The following TXNDC12 variants were observed in gnomAD, a reference collection of about 807,000 sequenced individuals.
The protein encoded by TXNDC12 is thioredoxin domain-containing protein 12.
Under a neutral mutation model 24.2 loss-of-function variants are expected in TXNDC12, and 22 were observed. That is an observed-to-expected ratio of 0.91 (90% CI 0.65 to 1.30). TXNDC12 has a LOEUF of 1.30. Among genes scored for constraint, TXNDC12 ranks in the 50% most tolerant of loss-of-function variants. The pLI, the probability that TXNDC12 is intolerant of heterozygous loss-of-function variation, is 0.00. For missense variants in TXNDC12, 184 were observed against 205.8 expected (o/e 0.89, Z 0.65); for synonymous variants, 58 against 73.4 (o/e 0.79, Z 1.07).
At chr1:52,039,304 G>A (rs1260390938) in intron 2 of TXNDC12, among the ~76,000 whole-genome samples, 1 of 151,742 alleles carries the variant, frequency 6.6e-6, no homozygotes, top group African/African-American at 2.4e-5. Flanking sequence ...TAAATACCAG[G>A]AAAAATATGC....
intron 2 of TXNDC12, among the ~76,000 whole-genome samples, chr1:52,037,549 A>G (rs1685907611): frequency 6.6e-6 from 1 of 152,044 alleles, no homozygotes; most frequent in African/African-American, 2.4e-5. Flanking sequence ...TGCTGAACTC[A>G]TGGGGCTCTG....
intron 1 of TXNDC12, among the ~76,000 whole-genome samples, chr1:52,044,950 G>C (rs1686061954): frequency 6.6e-6 from 1 of 151,754 alleles, no homozygotes; most frequent in South Asian, 2.1e-4. Context: ...ACTCCAGCCT[G>C]GGTGACAGAG....
rs1401252183 is a variant in TXNDC12 at position 52,023,541 on chromosome 1, T to C, written c.389A>G (p.Asn130Ser). Residue 130 changes from asparagine (N) to serine (S), a missense_variant, in exon 6 of 7, where the codon AAT (asparagine) becomes AGT (serine). By Grantham distance (46) the Asn-to-Ser change is conservative. Coordinates refer to ENST00000371626, the MANE Select transcript of TXNDC12 (RefSeq NM_015913.4). Reference sequence around the variant, plus strand: ...CTTGTAGCTGGGGTTTCCATTCTCATTGATGATTTCAGGATGCACCTTGCC... The same window carrying C: ...CTTGTAGCTGGGGTTTCCATTCTCACTGATGATTTCAGGATGCACCTTGCC... The part of the protein sequence containing the change: ...PSGKVHPEII[N>S]ENGNPSYKYF... The C allele has an allele frequency of 1.9e-6, 3 of 1,614,118 alleles. No individual in the cohort carries two copies. Among genetic ancestry groups the C allele is most frequent in the Non-Finnish European group, 2.5e-6 (3 of 1,179,970 alleles).
At chr1:52,038,764 T>C (rs1180950239) in intron 2 of TXNDC12, among the ~76,000 whole-genome samples, 1 of 152,182 alleles carries the variant, frequency 6.6e-6, no homozygotes, top group Non-Finnish European at 1.5e-5. Flanking sequence ...AGTCAATAGG[T>C]ATGCCTTTTT....
intron 4 of TXNDC12, among the ~76,000 whole-genome samples, chr1:52,026,762 G>A (rs138877287): frequency 1.3e-3 from 195 of 152,074 alleles, no homozygotes; most frequent in African/African-American, 4.5e-3. Flanking sequence ...TTGGCCAAAC[G>A]CGGTGGCTCA....
chr1:52,043,143 C>T (rs1686027292), intron 1 of TXNDC12, among the ~76,000 whole-genome samples: 1 of 152,226 alleles, frequency 6.6e-6, no homozygotes, highest in South Asian at 2.1e-4. Flanking sequence ...GCAATTCCTT[C>T]CGTCCCTCAC....
At chr1:52,032,532 C>T in intron 2 of TXNDC12, 1 of 1,386,646 alleles carries the variant, frequency 7.2e-7, no homozygotes, top group East Asian at 2.6e-5. Context: ...TGCTGTAAAC[C>T]CAAGGCCTGG....
chr1:52,024,479 TG>T, intron 5 of TXNDC12, 30 bp downstream of exon 5: 2 of 1,558,712 alleles, frequency 1.3e-6, no homozygotes, highest in South Asian at 1.1e-5. Context: ...ATCCACATCA[TG>T]GATTCCCAGG....
At chr1:52,045,793 G>C (rs1686080139) in intron 1 of TXNDC12, among the ~76,000 whole-genome samples, 1 of 152,066 alleles carries the variant, frequency 6.6e-6, no homozygotes, top group Non-Finnish European at 1.5e-5. Context: ...GAGCAAAATA[G>C]ACATTTTTAG....
chr1:52,049,540 T>G (rs759022972), intron 1 of TXNDC12, among the ~76,000 whole-genome samples: 63 of 152,258 alleles, frequency 4.1e-4, no homozygotes, highest in Non-Finnish European at 7.9e-4. Context: ...GAGCTGAGAT[T>G]GCGTCACTGC....
chr1:52,040,657 T>C (rs984767462), intron 2 of TXNDC12, among the ~76,000 whole-genome samples: 12 of 152,256 alleles, frequency 7.9e-5, no homozygotes, highest in African/African-American at 2.9e-4. Context: ...TTTTTGAAAC[T>C]GCTTGAAATC....
At chr1:52,032,217 T>C in intron 2 of TXNDC12, 2 of 986,058 alleles carry the variant, frequency 2.0e-6, no homozygotes, top group Non-Finnish European at 1.2e-6. Flanking sequence ...GTGAACTCGG[T>C]CCCAGAATAG....
chr1:52,049,543 G>T (rs148549578), intron 1 of TXNDC12, among the ~76,000 whole-genome samples: 1 of 152,114 alleles, frequency 6.6e-6, no homozygotes, highest in South Asian at 2.1e-4. Flanking sequence ...CTGAGATTGC[G>T]TCACTGCACT....
At chr1:52,048,694 C>T (rs1686143913) in intron 1 of TXNDC12, among the ~76,000 whole-genome samples, 2 of 151,434 alleles carry the variant, frequency 1.3e-5, no homozygotes, top group Admixed American at 6.6e-5. Flanking sequence ...CCATCTCTAC[C>T]AAAAATTTAA....
chr1:52,033,081 C>T (rs574449882), intron 2 of TXNDC12: 1 of 1,607,574 alleles, frequency 6.2e-7, no homozygotes, highest in East Asian at 2.2e-5. Flanking sequence ...TGAATAAAGG[C>T]CGGTCCCAGC....
intron 2 of TXNDC12, among the ~76,000 whole-genome samples, chr1:52,040,686 G>A (rs1302441244): frequency 2.0e-5 from 3 of 152,102 alleles, no homozygotes; most frequent in Non-Finnish European, 4.4e-5. Context: ...AGTTTCCAAT[G>A]CATTTATTAC....
upstream of TXNDC12, chr1:52,055,302 G>C: frequency 1.8e-6 from 1 of 546,892 alleles, no homozygotes; most frequent in Admixed American, 3.1e-5. Flanking sequence ...TAAAGGTGCA[G>C]ATCACGTAGA....
chr1:52,045,747 GT>G (rs1403385817), intron 1 of TXNDC12, among the ~76,000 whole-genome samples: 1 of 152,070 alleles, frequency 6.6e-6, no homozygotes, highest in Non-Finnish European at 1.5e-5. Flanking sequence ...ATCAATATTG[GT>G]TCGTCAATTG....
chr1:52,048,963 AG>A (rs1411170562), intron 1 of TXNDC12, among the ~76,000 whole-genome samples: 1 of 152,210 alleles, frequency 6.6e-6, no homozygotes, highest in Non-Finnish European at 1.5e-5. Flanking sequence ...TTACTAATAG[AG>A]ACCTAGAACA....
Sources: allele counts gnomAD v4.1 joint callset (sites outside exome capture counted in the v4.1 genomes callset), GRCh38; gene constraint gnomAD v4.1.1; transcripts MANE v1.5; gene names NCBI Gene and HGNC (gene_info 2026-07-23, HGNC 2026-07-21).